Variants in USP25 observed in about 807,000 individuals in gnomAD.
USP25 encodes the protein ubiquitin carboxyl-terminal hydrolase 25.
In USP25, 85 loss-of-function variants were observed where a neutral mutation model predicts 158.5. The observed-to-expected ratio is 0.54, with a 90% confidence interval of 0.45 to 0.64. USP25 has a LOEUF of 0.64. Ranked by LOEUF, USP25 falls within the 30% of genes least tolerant of loss-of-function variation. USP25 has a pLI of 0.00. For synonymous variants in USP25, 464 were observed against 460.4 expected (o/e 1.01, Z -0.10); for missense variants, 1,242 against 1,327.3 (o/e 0.94, Z 1.00).
chr21:15,749,761 C>T (rs1224960909), intron 1 of USP25, among the ~76,000 whole-genome samples: 1 of 152,132 alleles, frequency 6.6e-6, no homozygotes, highest in Admixed American at 6.5e-5. Context: ...CTGAAATAAA[C>T]TGTTGAAGAT....
At chr21:15,755,109 C>G (rs1176503308) in intron 1 of USP25, among the ~76,000 whole-genome samples, 1 of 149,728 alleles carries the variant, frequency 6.7e-6, no homozygotes, top group South Asian at 2.1e-4. Flanking sequence ...CTTAGCAGTG[C>G]GTGTGATTCT....
At chr21:15,769,022 T>C (rs1000290641) in intron 3 of USP25, among the ~76,000 whole-genome samples, 1 of 152,098 alleles carries the variant, frequency 6.6e-6, no homozygotes, top group Non-Finnish European at 1.5e-5. Flanking sequence ...ATGGACTGTT[T>C]CTTTTAGAAG....
intron 20 of USP25, among the ~76,000 whole-genome samples, chr21:15,858,431 T>G (rs563696438): frequency 1.3e-5 from 2 of 152,146 alleles, no homozygotes; most frequent in East Asian, 3.9e-4. Flanking sequence ...TAATTTTTTT[T>G]GCCTTTATGA....
intron 15 of USP25, 80 bp from the exon 16 acceptor site, chr21:15,831,321 G>C (rs993410715): frequency 5.3e-6 from 7 of 1,332,052 alleles, no homozygotes; most frequent in African/African-American, 1.5e-5. Flanking sequence ...TCTCCAAACA[G>C]GTTGTTTGTG....
rs754309985 is a variant in USP25 at position 15,763,023 on chromosome 21, G to A, written c.123+55G>A. 101 of 1,466,466 alleles carry A rather than the reference G, an allele frequency of 6.9e-5. 1 individual carries two copies. The highest frequency in any genetic ancestry group is 4.4e-4 in the Admixed American group (20 of 45,792). The allele number at this position is 1,466,466 out of a possible 1,614,324, so 90.8% of individuals were successfully genotyped here. A position where few individuals can be genotyped will look rare whatever the true frequency, so the allele number is the denominator to read the frequency against. On this transcript the variant is annotated intron_variant, in intron 2 of 25. Transcript: ENST00000400183. ...TGTGGTATATGCTCATCTCTAGTGC[G>A]TATTATATTTGATAGTTGATTTTTT...
intron 9 of USP25, among the ~76,000 whole-genome samples, chr21:15,811,490 G>A (rs2036659656): frequency 6.6e-6 from 1 of 152,114 alleles, no homozygotes; most frequent in African/African-American, 2.4e-5. Context: ...TTGGAATACA[G>A]GGATTAATGG....
intron 4 of USP25, among the ~76,000 whole-genome samples, chr21:15,782,863 A>AC (rs2035045470): frequency 6.6e-6 from 1 of 152,154 alleles, no homozygotes; most frequent in Admixed American, 6.5e-5. Flanking sequence ...GAAACGTGTC[A>AC]CCCCCAAACC....
intron 1 of USP25, among the ~76,000 whole-genome samples, chr21:15,750,534 A>T (rs1600804841): frequency 6.6e-6 from 1 of 150,980 alleles, no homozygotes. Flanking sequence ...CCGACCCCTT[A>T]TATCCTTTTA....
intron 3 of USP25, among the ~76,000 whole-genome samples, chr21:15,770,515 G>A (rs2034292331): frequency 6.6e-6 from 1 of 152,020 alleles, no homozygotes; most frequent in Admixed American, 6.6e-5. Flanking sequence ...GAAAAACATA[G>A]TAGAATTAAT....
intron 1 of USP25, among the ~76,000 whole-genome samples, chr21:15,741,539 T>C (rs182361200): frequency 6.5e-4 from 99 of 152,348 alleles, no homozygotes; most frequent in Non-Finnish European, 1.2e-3. Flanking sequence ...ATTTGGTGAA[T>C]ATGTGGTGTA....
At chr21:15,730,605 G>A (rs1048586231) in intron 1 of USP25, among the ~76,000 whole-genome samples, 167 bp downstream of exon 1, 1 of 152,206 alleles carries the variant, frequency 6.6e-6, no homozygotes, top group African/African-American at 2.4e-5. Flanking sequence ...CCAGAGCCCA[G>A]CTGCGTGTGG....
At position 15,795,706 on chromosome 21, in the gene USP25, A is replaced by G. The variant is rs184476117; in HGVS notation, c.555+4042A>G. On this transcript the variant is annotated intron_variant, in intron 5 of 25. Coordinates refer to ENST00000400183, the MANE Select transcript of USP25 (RefSeq NM_001283041.3). Reference sequence around the variant, plus strand: ...TTTTTCTGAACCTGAGTCATTTAAGATCTCCAAAGACTAAATTTCCTATAC... The same window carrying G: ...TTTTTCTGAACCTGAGTCATTTAAGGTCTCCAAAGACTAAATTTCCTATAC... Among the ~76,000 whole-genome samples, 19 of 151,632 alleles carry G rather than the reference A, an allele frequency of 1.3e-4. No homozygotes were observed. In the East Asian group the frequency reaches 3.5e-3, roughly 28 times the overall value.
At chr21:15,743,455 G>A (rs910259093) in intron 1 of USP25, among the ~76,000 whole-genome samples, 2 of 152,166 alleles carry the variant, frequency 1.3e-5, no homozygotes, top group Non-Finnish European at 2.9e-5. Context: ...GACGTGAAGT[G>A]GATAGCCCTC....
intron 10 of USP25, among the ~76,000 whole-genome samples, chr21:15,821,466 A>G (rs1270070570): frequency 6.6e-6 from 1 of 151,964 alleles, no homozygotes; most frequent in African/African-American, 2.4e-5. Context: ...ATACTCATTT[A>G]GATGTGTTGG....
chr21:15,862,930 C>G (rs1401241755), intron 20 of USP25, among the ~76,000 whole-genome samples: 4 of 151,720 alleles, frequency 2.6e-5, no homozygotes, highest in African/African-American at 9.7e-5. Flanking sequence ...CCCATCTGTA[C>G]AATACAACCA....
intron 7 of USP25, among the ~76,000 whole-genome samples, chr21:15,806,834 A>G (rs191395213): frequency 2.6e-4 from 39 of 152,234 alleles, no homozygotes; most frequent in Non-Finnish European, 3.8e-4. Context: ...TTCTTCCTAA[A>G]TATTTCAAAT....
At chr21:15,844,004 A>G (rs1490167691) in intron 18 of USP25, among the ~76,000 whole-genome samples, 3 of 152,196 alleles carry the variant, frequency 2.0e-5, no homozygotes, top group Non-Finnish European at 4.4e-5. Context: ...TAATATGGAT[A>G]TCGTCTTATA....
At chr21:15,760,870 G>A (rs1190850454) in intron 1 of USP25, among the ~76,000 whole-genome samples, 1 of 152,072 alleles carries the variant, frequency 6.6e-6, no homozygotes, top group Non-Finnish European at 1.5e-5. Flanking sequence ...CTATACTGGA[G>A]TTATCAAATT....
At chr21:15,874,363 G>T (rs577270228) in intron 23 of USP25, 40 bp from the exon 24 acceptor site, 2 of 1,538,572 alleles carry the variant, frequency 1.3e-6, no homozygotes, top group South Asian at 2.4e-5. Flanking sequence ...TTCTACAAAG[G>T]TGAAATACTA....
Sources: allele counts gnomAD v4.1 joint callset (sites outside exome capture counted in the v4.1 genomes callset), GRCh38; gene constraint gnomAD v4.1.1; transcripts MANE v1.5; gene names NCBI Gene and HGNC (gene_info 2026-07-23, HGNC 2026-07-21).